The following PRR16 variants were observed in gnomAD, a reference collection of about 807,000 sequenced individuals.
PRR16 encodes the protein protein Largen.
A neutral mutation model predicts 18.2 loss-of-function variants in PRR16; 6 were observed. The observed-to-expected ratio is 0.33, with a 90% CI of 0.18 to 0.65. The LOEUF (loss-of-function observed/expected upper bound fraction) is 0.65, where lower values mean the gene tolerates loss of function less well. PRR16 is among the 30% of genes least tolerant of loss of function. The probability of loss-of-function intolerance (pLI) is 0.74; values close to 1 mark genes in which losing one functional copy is unlikely to be tolerated. For missense variants in PRR16, 412 were observed against 376.6 expected, an observed-to-expected ratio of 1.09 and a Z score of -0.78; for synonymous variants, 151 against 147.8, an observed-to-expected ratio of 1.02 and a Z score of -0.16.
At chr5:120,655,564 C>T (rs1179397786) in intron 1 of PRR16, among the ~76,000 whole-genome samples, 1 of 151,682 alleles carries the variant, frequency 6.6e-6, no homozygotes, top group African/African-American at 2.4e-5. Flanking sequence ...TTTAGTGCTT[C>T]ATTTTCCCCC....
chr5:120,756,716 C>T, the PRR16 span, among the ~76,000 whole-genome samples: 1 of 151,822 alleles, frequency 6.6e-6, no homozygotes, highest in Non-Finnish European at 1.5e-5. Context: ...TCATAGTTTC[C>T]AAATATTTTC....
chr5:120,529,256 A>G (rs1232210104), intron 1 of PRR16, among the ~76,000 whole-genome samples: 1 of 152,178 alleles, frequency 6.6e-6, no homozygotes, highest in Non-Finnish European at 1.5e-5. Flanking sequence ...AAATAGCTTT[A>G]GAAATTTTGT....
chr5:120,664,049 A>C (rs1756270864), intron 1 of PRR16, among the ~76,000 whole-genome samples: 1 of 152,188 alleles, frequency 6.6e-6, no homozygotes, highest in Non-Finnish European at 1.5e-5. Context: ...CTGTAATCTC[A>C]GTACTTTTGG....
the PRR16 span, among the ~76,000 whole-genome samples, chr5:120,722,266 G>T: frequency 2.0e-5 from 3 of 151,858 alleles, no homozygotes; most frequent in Non-Finnish European, 2.9e-5. Flanking sequence ...AGATTTCCTA[G>T]GTTGTGAGAG....
chr5:120,494,774 G>A (rs1397744949), intron 1 of PRR16, among the ~76,000 whole-genome samples: 1 of 152,054 alleles, frequency 6.6e-6, no homozygotes, highest in East Asian at 1.9e-4. Flanking sequence ...TATACAGTGT[G>A]AGGCATAGGT....
At chr5:120,512,979 CG>C (rs940846976) in intron 1 of PRR16, among the ~76,000 whole-genome samples, 34 of 152,084 alleles carry the variant, frequency 2.2e-4, no homozygotes, top group South Asian at 2.1e-4. Flanking sequence ...TTCCCTGAAT[CG>C]GGGTGCCACC....
chr5:120,701,524 C>A, the PRR16 span, among the ~76,000 whole-genome samples: 186 of 152,176 alleles, frequency 1.2e-3, no homozygotes, highest in African/African-American at 4.2e-3. Flanking sequence ...AGGGGGAGGG[C>A]TAGTCACGGA....
intron 1 of PRR16, among the ~76,000 whole-genome samples, chr5:120,664,858 G>A (rs948540650): frequency 3.3e-5 from 5 of 150,182 alleles, no homozygotes; most frequent in African/African-American, 9.8e-5. Flanking sequence ...GTCTATCATT[G>A]TTGGACATTT....
At chr5:120,557,717 A>G (rs1476421598) in intron 1 of PRR16, among the ~76,000 whole-genome samples, 3 of 151,914 alleles carry the variant, frequency 2.0e-5, no homozygotes, top group African/African-American at 7.2e-5. Flanking sequence ...TTAATATATC[A>G]TTACATTTCA....
chr5:120,501,900 G>A lies in PRR16; in HGVS notation c.159+37255G>A, dbSNP rs534977556. ...GAACCTGGCAGGAGGAGCTTGCAGT[G>A]AGCCGAGATCGCGCCACTGCACTCC... On this transcript the variant is annotated intron_variant, in intron 1 of 1. Coordinates refer to ENST00000407149, the MANE Select transcript of PRR16 (RefSeq NM_001300783.2). Among the ~76,000 whole-genome samples the A allele has an allele frequency of 1.5e-3, 213 of 142,860 alleles. 2 individuals carry two copies. The highest frequency in any genetic ancestry group is 3.9e-3 in the Middle Eastern group (1 of 254). The allele number at this position is 142,860 out of a possible 152,430, so 93.7% of individuals were successfully genotyped here. A position where few individuals can be genotyped will look rare whatever the true frequency, so the allele number is the denominator to read the frequency against.
At chr5:120,536,756 CTTAGA>C (rs1751729722) in intron 1 of PRR16, among the ~76,000 whole-genome samples, 1 of 152,164 alleles carries the variant, frequency 6.6e-6, no homozygotes, top group Non-Finnish European at 1.5e-5. Context: ...TTAAGATTTA[CTTAGA>C]TTAATGTTTT....
chr5:120,666,216 A>G (rs1193105483), intron 1 of PRR16, among the ~76,000 whole-genome samples: 1 of 152,178 alleles, frequency 6.6e-6, no homozygotes. Flanking sequence ...TTCTCTTTGA[A>G]GCAATTGTGA....
intron 1 of PRR16, among the ~76,000 whole-genome samples, chr5:120,480,503 C>G (rs1319547913): frequency 6.6e-6 from 1 of 152,022 alleles, no homozygotes; most frequent in Non-Finnish European, 1.5e-5. Flanking sequence ...TTTTTGTGCT[C>G]CCACAGAAAA....
intron 1 of PRR16, among the ~76,000 whole-genome samples, chr5:120,605,776 G>A (rs1215013746): frequency 2.0e-5 from 3 of 152,116 alleles, no homozygotes; most frequent in Admixed American, 6.6e-5. Context: ...GCTTTCCAGG[G>A]CCAAGGCTCA....
At position 120,507,535 on chromosome 5, in the gene PRR16, A is replaced by G. The variant is rs569053308; in HGVS notation, c.159+42890A>G. 6.6e-5 allele frequency among the ~76,000 whole-genome samples: 10 copies of G among 152,202 alleles called. No homozygotes were observed. The South Asian group carries it at 1.9e-3, about 28-fold the overall frequency. On this transcript the variant is annotated intron_variant, in intron 1 of 1. Coordinates refer to ENST00000407149, the MANE Select transcript of PRR16 (RefSeq NM_001300783.2). ...TACAGAAAAGTGTGATTCCTTCAGG[A>G]TTAATAGTAAGGAGAGAACGATGAC...
intron 1 of PRR16, among the ~76,000 whole-genome samples, chr5:120,644,239 A>G (rs1330199193): frequency 1.3e-5 from 2 of 152,118 alleles, no homozygotes; most frequent in African/African-American, 2.4e-5. Flanking sequence ...AACTCTAGGC[A>G]TAGGGTAAGC....
chr5:120,514,134 T>G (rs2112860907), intron 1 of PRR16, among the ~76,000 whole-genome samples: 1 of 152,232 alleles, frequency 6.6e-6, no homozygotes, highest in South Asian at 2.1e-4. Context: ...AATAAGTATT[T>G]TATGAATAAT....
At chr5:120,536,017 G>A (rs530100334) in intron 1 of PRR16, among the ~76,000 whole-genome samples, 89 of 152,210 alleles carry the variant, frequency 5.8e-4, no homozygotes, top group Non-Finnish European at 9.9e-4. Flanking sequence ...GACCTTTGCC[G>A]AATTTCACCA....
intron 1 of PRR16, among the ~76,000 whole-genome samples, chr5:120,492,955 G>A (rs150037438): frequency 2.8e-4 from 42 of 152,174 alleles, no homozygotes; most frequent in African/African-American, 9.6e-4. Context: ...TAATCCACTT[G>A]TTGGCCGATG....
Sources: gnomAD v4.1 joint callset for allele counts (sites outside exome capture counted in the v4.1 genomes callset) on GRCh38, gnomAD v4.1.1 for gene constraint, MANE v1.5 for transcripts, NCBI Gene and HGNC (gene_info 2026-07-23, HGNC 2026-07-21) for gene names.